The following VPS13B variants were observed in gnomAD, a reference collection of about 807,000 sequenced individuals.
The protein encoded by VPS13B is vacuolar protein sorting 13 homolog B, also known as intermembrane lipid transfer protein VPS13B.
In VPS13B, 285 loss-of-function variants were observed where a neutral mutation model predicts 426.4. That is an observed-to-expected ratio of 0.67 (90% CI 0.61 to 0.74). VPS13B has a LOEUF of 0.74. VPS13B is among the 30% of genes least tolerant of loss of function. VPS13B has a pLI of 0.00. For missense variants in VPS13B, 4,537 were observed against 4,782.6 expected (o/e 0.95, Z 1.51); for synonymous variants, 1,676 against 1,676.4 (o/e 1.00, Z 0.01).
At chr8:99,380,355 T>G (rs1813724866) in intron 19 of VPS13B, among the ~76,000 whole-genome samples, 1 of 152,116 alleles carries the variant, frequency 6.6e-6, no homozygotes, top group Admixed American at 6.5e-5. Context: ...TGTTAAATTG[T>G]ATATTATATA....
intron 35 of VPS13B, among the ~76,000 whole-genome samples, chr8:99,668,758 T>C (rs1050455145): frequency 6.6e-6 from 1 of 152,040 alleles, no homozygotes; most frequent in African/African-American, 2.4e-5. Context: ...TAGAATAATA[T>C]CTCCAGCAGG....
At chr8:99,674,769 CTTATAG>C (rs916694990) in intron 35 of VPS13B, among the ~76,000 whole-genome samples, 9 of 151,958 alleles carry the variant, frequency 5.9e-5, no homozygotes, top group Non-Finnish European at 1.0e-4. Flanking sequence ...ATCAAAAAAT[CTTATAG>C]TTATAACAGG....
chr8:99,399,111 G>C (rs540730641), intron 21 of VPS13B, among the ~76,000 whole-genome samples: 23 of 152,008 alleles, frequency 1.5e-4, no homozygotes, highest in Non-Finnish European at 2.6e-4. Context: ...CTTTGGAACA[G>C]AAAAAGGTTG....
intron 17 of VPS13B, among the ~76,000 whole-genome samples, chr8:99,223,899 C>T (rs1197086266): frequency 6.6e-6 from 1 of 152,160 alleles, no homozygotes; most frequent in Non-Finnish European, 1.5e-5. Context: ...ACCACTTCTG[C>T]ACCTGCTTCT....
At chr8:99,048,341 G>A (rs888462635) in intron 3 of VPS13B, among the ~76,000 whole-genome samples, 5 of 152,190 alleles carry the variant, frequency 3.3e-5, no homozygotes, top group African/African-American at 9.7e-5. Context: ...TGGATAGAAT[G>A]TTCTGTAAAT....
intron 39 of VPS13B, among the ~76,000 whole-genome samples, chr8:99,723,968 A>C (rs1255971994): frequency 1.3e-5 from 2 of 152,188 alleles, no homozygotes; most frequent in Admixed American, 1.3e-4. Flanking sequence ...GGCTGACTTG[A>C]TACCAAGCTG....
intron 4 of VPS13B, among the ~76,000 whole-genome samples, chr8:99,099,653 G>A (rs946952162): frequency 6.6e-6 from 1 of 152,164 alleles, no homozygotes; most frequent in Non-Finnish European, 1.5e-5. Flanking sequence ...CTTTAATGTT[G>A]AGGTGTAGGA....
intron 33 of VPS13B, among the ~76,000 whole-genome samples, chr8:99,626,499 G>C (rs559386975): frequency 1.3e-5 from 2 of 152,256 alleles, no homozygotes; most frequent in South Asian, 4.2e-4. Flanking sequence ...TCTTTGGAAG[G>C]GGTGATAAAA....
chr8:99,451,315 C>T (rs1411229483), intron 23 of VPS13B, among the ~76,000 whole-genome samples: 1 of 152,014 alleles, frequency 6.6e-6, no homozygotes, highest in African/African-American at 2.4e-5. Context: ...CTTTATTTTC[C>T]TAAATTTCCC....
At chr8:99,425,988 G>A (rs976286387) in intron 21 of VPS13B, among the ~76,000 whole-genome samples, 2 of 151,408 alleles carry the variant, frequency 1.3e-5, no homozygotes, top group African/African-American at 2.4e-5. Context: ...GTATACATGT[G>A]CCATGCTGGT....
intron 19 of VPS13B, among the ~76,000 whole-genome samples, chr8:99,295,107 G>A (rs1292482207): frequency 6.6e-6 from 1 of 152,084 alleles, no homozygotes; most frequent in Non-Finnish European, 1.5e-5. Context: ...GATAAAATAA[G>A]CAGTAGAAAA....
In VPS13B at chr8:99,802,288, A is replaced by G. The variant is rs550180545; in HGVS notation, c.7942-7087A>G. 8.5e-5 allele frequency among the ~76,000 whole-genome samples: 13 copies of G among 152,268 alleles called. 1 individual carries two copies. In the South Asian group the frequency reaches 2.5e-3, roughly 29 times the overall value. On this transcript the variant is annotated intron_variant, in intron 43 of 61. Transcript: ENST00000357162. ...CTCTGTGCTAGGAATTATGGAGACT[A>G]CAGAGATGAACTGAAGATCATGTCA...
intron 17 of VPS13B, among the ~76,000 whole-genome samples, chr8:99,252,302 C>T (rs1241636660): frequency 1.3e-5 from 2 of 151,636 alleles, no homozygotes; most frequent in African/African-American, 2.4e-5. Flanking sequence ...TTTGAGAATT[C>T]CTCTTTGGCT....
chr8:99,584,711 C>T (rs1328055345), intron 33 of VPS13B, among the ~76,000 whole-genome samples: 1 of 152,010 alleles, frequency 6.6e-6, no homozygotes, highest in African/African-American at 2.4e-5. Flanking sequence ...AGGCTTTAGG[C>T]CAGGTGATCA....
chr8:99,720,345 G>A lies in VPS13B; in HGVS notation c.6658G>A (p.Val2220Ile). 1 of 1,611,850 alleles carries A rather than the reference G, an allele frequency of 6.2e-7. No individual in the cohort carries two copies. Among genetic ancestry groups the A allele is most frequent in the Non-Finnish European group, 8.5e-7 (1 of 1,179,520 alleles). Reference protein sequence around the residue: ...SIDLRGGLLQVFWGQEHLNCL... With the variant: ...SIDLRGGLLQIFWGQEHLNCL... ...CTAGAATTTTTTTATGATTTTAAAG[G>A]TCTTCTGGGGTCAAGAACATTTGAA... is the stretch of plus-strand genomic sequence containing the variant. Residue 2220 changes from valine to isoleucine, a missense_variant and splice_region_variant, in exon 38 of 62, where the codon GTC becomes ATC. Physicochemically the swap from Val to Ile is conservative, Grantham distance 29. This residue lies in a region of VPS13B where 4,311 missense variants were observed against 4,474.3 expected (regional missense o/e 0.96). Coordinates refer to ENST00000357162, the MANE Select transcript of VPS13B (RefSeq NM_152564.5).
At chr8:99,790,006 C>T (rs1812463750) in intron 43 of VPS13B, among the ~76,000 whole-genome samples, 1 of 152,064 alleles carries the variant, frequency 6.6e-6, no homozygotes, top group Non-Finnish European at 1.5e-5. Flanking sequence ...AGCACCCCCA[C>T]ACACACACCC....
At chr8:99,290,402 A>G (rs951974779) in intron 19 of VPS13B, among the ~76,000 whole-genome samples, 6 of 152,070 alleles carry the variant, frequency 3.9e-5, no homozygotes, top group Admixed American at 2.0e-4. Context: ...AACTAACGCA[A>G]GAACAAAAAA....
chr8:99,769,195 T>A (rs752376591), intron 40 of VPS13B, among the ~76,000 whole-genome samples: 1 of 152,174 alleles, frequency 6.6e-6, no homozygotes, highest in Admixed American at 6.5e-5. Flanking sequence ...TTACCTAATA[T>A]TTCACAATTT....
intron 30 of VPS13B, among the ~76,000 whole-genome samples, chr8:99,552,596 T>C (rs1257556552): frequency 6.6e-6 from 1 of 151,748 alleles, no homozygotes; most frequent in African/African-American, 2.4e-5. Flanking sequence ...TTTTTCCCCT[T>C]TACCCATTAG....
Sources: allele counts gnomAD v4.1 joint callset (sites outside exome capture counted in the v4.1 genomes callset), GRCh38; gene constraint gnomAD v4.1.1; regional missense constraint gnomAD v4.1.1; transcripts MANE v1.5; gene names NCBI Gene and HGNC (gene_info 2026-07-23, HGNC 2026-07-21).